Variants in SLC5A7 observed in about 807,000 individuals in gnomAD.
SLC5A7 encodes high affinity choline transporter 1.
SLC5A7 carries 19 observed loss-of-function variants against 55.4 expected under a neutral mutation model. The observed-to-expected ratio is 0.34, with a 90% CI of 0.24 to 0.50. The LOEUF (loss-of-function observed/expected upper bound fraction) is 0.50, where lower values mean the gene tolerates loss of function less well. Among genes scored for constraint, SLC5A7 ranks in the 20% least tolerant of loss-of-function variants. SLC5A7 has a pLI of 0.98. For missense variants in SLC5A7, 506 were observed against 705.3 expected (o/e 0.72, Z 3.20); for synonymous variants, 265 against 263.7 (o/e 1.00, Z -0.05).
chr2:108,005,865 T>TAGGGGGAACATA (rs1348084633), intron 6 of SLC5A7, among the ~76,000 whole-genome samples, 184 bp from the exon 7 acceptor site: 1 of 152,208 alleles, frequency 6.6e-6, no homozygotes, highest in African/African-American at 2.4e-5. Flanking sequence ...TGTATGAATT[T>TAGGGGGAACATA]AGGGGGAACA....
intron 2 of SLC5A7, among the ~76,000 whole-genome samples, chr2:107,991,779 A>G (rs1677463264): frequency 1.3e-5 from 2 of 152,222 alleles, no homozygotes; most frequent in Admixed American, 6.5e-5. Context: ...CATCTAGGGC[A>G]GCACTATCCA....
intron 4 of SLC5A7, among the ~76,000 whole-genome samples, chr2:107,996,744 ATAAACAATG>A (rs1364751039): frequency 4.6e-5 from 7 of 152,204 alleles, no homozygotes; most frequent in Non-Finnish European, 1.5e-5. Flanking sequence ...AACAAACACA[ATAAACAATG>A]TTATAAAGAG....
At chr2:108,008,759 C>A in intron 8 of SLC5A7, 77 bp downstream of exon 8, 1 of 1,032,842 alleles carries the variant, frequency 9.7e-7, no homozygotes, top group Admixed American at 2.6e-5. Flanking sequence ...GTTGTATATA[C>A]AGTATTATAT....
At position 108,001,387 on chromosome 2, in the gene SLC5A7, A is replaced by G. The variant is rs994789010; in HGVS notation, c.598-510A>G. ...GGTATAATCAAGCATAGAAATAGTC[A>G]ATGTGGCCGGGCGCGGTGGCTCACG... On this transcript the variant is annotated intron_variant, in intron 5 of 8. Transcript: ENST00000264047. Among the ~76,000 whole-genome samples the G allele has an allele frequency of 2.6e-5, 4 of 152,304 alleles. No homozygotes were observed. The East Asian group carries it at 7.7e-4, about 29-fold the overall frequency.
intron 6 of SLC5A7, among the ~76,000 whole-genome samples, chr2:108,004,036 C>G (rs953788517): frequency 6.6e-6 from 1 of 152,082 alleles, no homozygotes; most frequent in African/African-American, 2.4e-5. Context: ...AGGGCTCCAC[C>G]CTCATGACCT....
chr2:107,997,530 G>A (rs2104353219), intron 4 of SLC5A7, among the ~76,000 whole-genome samples: 2 of 152,242 alleles, frequency 1.3e-5, no homozygotes, highest in Middle Eastern at 3.4e-3. Flanking sequence ...AAATTATTTT[G>A]AGTTCTTGTA....
chr2:107,995,797 T>C (rs1315561581), intron 4 of SLC5A7, among the ~76,000 whole-genome samples: 1 of 152,120 alleles, frequency 6.6e-6, no homozygotes, highest in East Asian at 1.9e-4. Flanking sequence ...CCTACAACAT[T>C]TTGAAGAAAT....
At chr2:107,989,980 C>G (rs554471897) in intron 2 of SLC5A7, among the ~76,000 whole-genome samples, 1 of 151,954 alleles carries the variant, frequency 6.6e-6, no homozygotes, top group Admixed American at 6.6e-5. Flanking sequence ...GTTCGTAAAA[C>G]TTTTTTTTCT....
At chr2:107,990,355 C>A (rs956805073) in intron 2 of SLC5A7, among the ~76,000 whole-genome samples, 1 of 152,156 alleles carries the variant, frequency 6.6e-6, no homozygotes, top group Non-Finnish European at 1.5e-5. Context: ...GACGAATGAT[C>A]ACTAATGAGC....
At chr2:108,005,963 T>G in intron 6 of SLC5A7, 86 bp from the exon 7 acceptor site, 1 of 1,527,008 alleles carries the variant, frequency 6.5e-7, no homozygotes, top group Non-Finnish European at 8.9e-7. Context: ...AAGTTGTACT[T>G]AGGCCTATTC....
At chr2:107,990,671 A>G (rs1677421668) in intron 2 of SLC5A7, among the ~76,000 whole-genome samples, 1 of 152,196 alleles carries the variant, frequency 6.6e-6, no homozygotes, top group South Asian at 2.1e-4. Flanking sequence ...TTTTGTATAT[A>G]AACTTTTCAT....
chr2:108,001,993 G>A lies in SLC5A7; in HGVS notation c.694G>A (p.Val232Ile), dbSNP rs1300580667. Residue 232 changes from valine (V) to isoleucine (I), a missense_variant, in exon 6 of 9, where the codon GTT becomes ATT. By Grantham distance (29) the Val-to-Ile change is conservative (BLOSUM62 3). Transcript: ENST00000264047. ...ATACCAAAAGCCGTGGCTGGGAACTGTTGACTCATCTGAAGTCTACTCTTG... is the reference window on the plus strand; with the variant it reads ...ATACCAAAAGCCGTGGCTGGGAACTATTGACTCATCTGAAGTCTACTCTTG... Reference protein sequence around the residue: ...AKYQKPWLGTVDSSEVYSWLD... With the variant: ...AKYQKPWLGTIDSSEVYSWLD... The A allele has an allele frequency of 6.2e-7, 1 of 1,614,216 alleles. No homozygotes were observed. The highest frequency in any genetic ancestry group is 8.5e-7 in the Non-Finnish European group (1 of 1,180,030).
At chr2:108,006,985 G>GT (rs1678149259) in intron 7 of SLC5A7, among the ~76,000 whole-genome samples, 1 of 152,002 alleles carries the variant, frequency 6.6e-6, no homozygotes, top group Admixed American at 6.6e-5. Flanking sequence ...TTAAAAAATG[G>GT]TTTTGAAAAA....
intron 2 of SLC5A7, among the ~76,000 whole-genome samples, chr2:107,990,135 TA>T (rs1677396171): frequency 6.6e-6 from 1 of 152,190 alleles, no homozygotes; most frequent in Non-Finnish European, 1.5e-5. Context: ...AAAATGAATA[TA>T]TTTTAAGAGG....
chr2:107,992,884 T>C (rs1268231103), intron 3 of SLC5A7, 88 bp from the exon 4 acceptor site: 2 of 1,444,514 alleles, frequency 1.4e-6, no homozygotes, highest in African/African-American at 1.4e-5. Context: ...TTCTGGAAAA[T>C]GCATTTTCCT....
chr2:107,992,610 T>C (rs1318722316), intron 3 of SLC5A7, among the ~76,000 whole-genome samples: 1 of 152,168 alleles, frequency 6.6e-6, no homozygotes, highest in African/African-American at 2.4e-5. Flanking sequence ...GTACCTCATT[T>C]TTGGGGCACT....
intron 6 of SLC5A7, among the ~76,000 whole-genome samples, chr2:108,004,975 T>C (rs2104370842): frequency 6.6e-6 from 1 of 152,354 alleles, no homozygotes; most frequent in East Asian, 1.9e-4. Context: ...GCATTATAGT[T>C]TAAACGTTTT....
intron 7 of SLC5A7, among the ~76,000 whole-genome samples, chr2:108,006,951 C>T (rs1678147055): frequency 6.6e-6 from 1 of 152,022 alleles, no homozygotes; most frequent in African/African-American, 2.4e-5. Context: ...GACAAACAAA[C>T]AAAGTCACTT....
chr2:108,010,616 T>C lies in SLC5A7; in HGVS notation c.1498T>C (p.Tyr500His), dbSNP rs1391485107. The C allele has an allele frequency of 6.2e-7, 1 of 1,614,026 alleles. No individual in the cohort carries two copies. The highest frequency in any genetic ancestry group is 8.5e-7 in the Non-Finnish European group (1 of 1,179,956). Residue 500 changes from tyrosine (Y) to histidine (H), a missense_variant, in exon 9 of 9, where the codon TAT becomes CAT. Physicochemically the swap from Tyr to His is moderately conservative, Grantham distance 83. This residue lies in a region of SLC5A7 where 137 missense variants were observed against 143.6 expected (regional missense o/e 0.95). Transcript: ENST00000264047. The stretch of plus-strand genomic sequence containing the variant: ...CATTTGCATCTCCTATCTAGCCAAG[T>C]ATCTATTTGAAAGTGGAACCTTGCC... ...TNICISYLAK[Y>H]LFESGTLPPK...
Sources: allele counts gnomAD v4.1 joint callset (sites outside exome capture counted in the v4.1 genomes callset), GRCh38; gene constraint gnomAD v4.1.1; regional missense constraint gnomAD v4.1.1; transcripts MANE v1.5; gene names NCBI Gene and HGNC (gene_info 2026-07-23, HGNC 2026-07-21).